The following RYR3 variants were observed in gnomAD, a reference collection of about 807,000 sequenced individuals.
RYR3 encodes brain ryanodine receptor-calcium release channel.
RYR3 carries 207 observed loss-of-function variants against 584.3 expected under a neutral mutation model. The ratio of observed to expected loss-of-function variants is 0.35; its 90% CI spans 0.32 to 0.40. The LOEUF is 0.40. Among genes scored for constraint, RYR3 ranks in the 10% least tolerant of loss-of-function variants. The pLI, the probability that RYR3 is intolerant of heterozygous loss-of-function variation, is 1.00. For synonymous variants in RYR3, 2,416 were observed against 2,248.5 expected (o/e 1.07, Z -2.11); for missense variants, 5,616 against 6,089.2 (o/e 0.92, Z 2.59).
chr15:33,519,556 C>G (rs2053808287), intron 3 of RYR3, among the ~76,000 whole-genome samples: 1 of 151,936 alleles, frequency 6.6e-6, no homozygotes, highest in Admixed American at 6.6e-5. Flanking sequence ...TTTGAATTAC[C>G]TGGGAGCTCA....
Position 33,591,999 on chromosome 15 carries a change from T to A in RYR3, c.1788+5883T>A, listed in dbSNP as rs553800545. ...TCAAAGTATAATTCCCATATAAGCT[T>A]GTGTTTGGGATAGACAGTAATAGAG... is the stretch of plus-strand genomic sequence containing the variant. On this transcript the variant is annotated intron_variant, in intron 16 of 103. Transcript: ENST00000634891. Among the ~76,000 whole-genome samples the A allele has an allele frequency of 1.8e-4, 28 of 152,272 alleles. No individual in the cohort carries two copies. The South Asian group carries it at 5.6e-3, about 30-fold the overall frequency.
chr15:33,616,387 T>C (rs2060454339), intron 19 of RYR3, among the ~76,000 whole-genome samples: 1 of 152,166 alleles, frequency 6.6e-6, no homozygotes. Context: ...GAGGGATTTT[T>C]TTGGAATCCT....
chr15:33,462,535 G>A (rs1247132035), intron 1 of RYR3, among the ~76,000 whole-genome samples: 1 of 152,146 alleles, frequency 6.6e-6, no homozygotes, highest in Non-Finnish European at 1.5e-5. Context: ...ATGGGTTGTC[G>A]TTGGTCAGTT....
chr15:33,864,060 G>A (rs1889518993), intron 102 of RYR3, 78 bp from the exon 103 acceptor site: 1 of 1,086,012 alleles, frequency 9.2e-7, no homozygotes, highest in East Asian at 2.5e-5. Flanking sequence ...GCCTTTCTGA[G>A]CCCTGATCAC....
chr15:33,523,096 T>A (rs1159072383), intron 3 of RYR3, among the ~76,000 whole-genome samples: 1 of 152,064 alleles, frequency 6.6e-6, no homozygotes, highest in Non-Finnish European at 1.5e-5. Context: ...CCTAAAGGAT[T>A]GTAAATGCAC....
At chr15:33,621,885 C>T (rs778566022) in intron 19 of RYR3, among the ~76,000 whole-genome samples, 2 of 152,164 alleles carry the variant, frequency 1.3e-5, no homozygotes, top group South Asian at 2.1e-4. Flanking sequence ...CCTACCAGAA[C>T]GTTCCAGTGA....
intron 1 of RYR3, among the ~76,000 whole-genome samples, chr15:33,394,037 T>C (rs898655785): frequency 3.9e-5 from 6 of 152,212 alleles, no homozygotes; most frequent in Non-Finnish European, 8.8e-5. Flanking sequence ...CCAGGCTCAG[T>C]TATGTCAGGC....
chr15:33,579,240 A>G (rs2058472415), intron 12 of RYR3, among the ~76,000 whole-genome samples: 1 of 152,184 alleles, frequency 6.6e-6, no homozygotes, highest in Non-Finnish European at 1.5e-5. Flanking sequence ...AAGTCAGATG[A>G]AAGGACCACA....
chr15:33,815,695 A>G (rs916610031), intron 74 of RYR3: 5 of 391,088 alleles, frequency 1.3e-5, no homozygotes, highest in Non-Finnish European at 2.3e-5. Flanking sequence ...CTGATGATGG[A>G]GACAACTTCT....
At chr15:33,464,879 G>A (rs1353333123) in intron 1 of RYR3, among the ~76,000 whole-genome samples, 1 of 152,006 alleles carries the variant, frequency 6.6e-6, no homozygotes, top group African/African-American at 2.4e-5. Context: ...CCTTTGACCA[G>A]CATCTTCCCA....
At chr15:33,520,848 A>T (rs944322065) in intron 3 of RYR3, among the ~76,000 whole-genome samples, 25 of 152,154 alleles carry the variant, frequency 1.6e-4, no homozygotes, top group African/African-American at 5.8e-4. Context: ...TTCCCCCTCA[A>T]TGGAAAATGC....
At chr15:33,314,951 A>AC (rs1967944598) in intron 1 of RYR3, among the ~76,000 whole-genome samples, 1 of 150,082 alleles carries the variant, frequency 6.7e-6, no homozygotes, top group African/African-American at 2.5e-5. Context: ...CCAAAAAAAA[A>AC]CAACAACAAC....
intron 1 of RYR3, among the ~76,000 whole-genome samples, chr15:33,370,076 G>C (rs1336048329): frequency 6.6e-6 from 1 of 152,216 alleles, no homozygotes; most frequent in Non-Finnish European, 1.5e-5. Flanking sequence ...CTATTAACAA[G>C]TGTTTGAAAA....
intron 14 of RYR3, among the ~76,000 whole-genome samples, chr15:33,582,970 T>C (rs909138037): frequency 6.6e-6 from 1 of 152,222 alleles, no homozygotes; most frequent in African/African-American, 2.4e-5. Flanking sequence ...GTCTACTCTT[T>C]TTGCCCTGTG....
intron 102 of RYR3, among the ~76,000 whole-genome samples, chr15:33,863,936 C>T (rs1176144630): frequency 6.6e-6 from 1 of 152,186 alleles, no homozygotes; most frequent in Non-Finnish European, 1.5e-5. Flanking sequence ...TCTCTCCTCA[C>T]AAAGTGGCTA....
chr15:33,751,606 G>C (rs954444911), intron 57 of RYR3, among the ~76,000 whole-genome samples: 1 of 148,818 alleles, frequency 6.7e-6, no homozygotes, highest in African/African-American at 2.5e-5. Flanking sequence ...GTAAATTTAA[G>C]TTCCTTGTAG....
intron 16 of RYR3, among the ~76,000 whole-genome samples, chr15:33,600,322 G>A (rs1010680401): frequency 6.6e-6 from 1 of 152,078 alleles, no homozygotes; most frequent in African/African-American, 2.4e-5. Flanking sequence ...CACTTTGAAA[G>A]ACTGAAATGA....
chr15:33,528,734 T>G (rs1397531238), intron 3 of RYR3, among the ~76,000 whole-genome samples: 1 of 152,224 alleles, frequency 6.6e-6, no homozygotes, highest in Non-Finnish European at 1.5e-5. Context: ...ACCATGATGA[T>G]AATTATCAAA....
chr15:33,701,882 A>G (rs2066330056), intron 42 of RYR3, among the ~76,000 whole-genome samples: 1 of 152,140 alleles, frequency 6.6e-6, no homozygotes, highest in African/African-American at 2.4e-5. Flanking sequence ...GTGCTGGGGA[A>G]TAGGAGACTG....
Sources: allele counts gnomAD v4.1 joint callset (sites outside exome capture counted in the v4.1 genomes callset), GRCh38; gene constraint gnomAD v4.1.1; transcripts MANE v1.5; gene names NCBI Gene and HGNC (gene_info 2026-07-23, HGNC 2026-07-21).